Variants in C16orf92 observed in about 807,000 individuals in gnomAD.
C16orf92 encodes fertilization-influencing membrane protein.
In C16orf92, 14 loss-of-function variants were observed where a neutral mutation model predicts 13.7. The observed-to-expected ratio is 1.02, with a 90% CI of 0.67 to 1.60. The LOEUF is 1.60. Ranked by LOEUF, C16orf92 falls within the 40% of genes most tolerant of loss-of-function variation. C16orf92 has a pLI of 0.00. For missense variants in C16orf92, 116 were observed against 139.0 expected, an observed-to-expected ratio of 0.83 and a Z score of 0.83; for synonymous variants, 50 against 57.4, an observed-to-expected ratio of 0.87 and a Z score of 0.58.
In C16orf92 at chr16:30,024,668, A is replaced by C; in HGVS notation, c.*441A>C. ...CCCCCAACCCAACAGACTAGTTCAA[A>C]TTTGGGTAAATAAATAAAATAAATA... is the stretch of plus-strand genomic sequence containing the variant. On this transcript the variant is annotated 3_prime_UTR_variant, in exon 4 of 4. Transcript: ENST00000681219. 1 of 196,120 alleles carries C rather than the reference A, an allele frequency of 5.1e-6. No individual in the cohort carries two copies. Among genetic ancestry groups the C allele is most frequent in the Non-Finnish European group, 1.0e-5 (1 of 97,172 alleles). 12.1% of individuals were successfully genotyped at this position (196,120 alleles called of 1,614,324 possible).
downstream of C16orf92, chr16:30,025,247 C>T (rs367744777): frequency 2.3e-5 from 35 of 1,534,008 alleles, no homozygotes; most frequent in South Asian, 3.6e-5. This position sits in a 1 kb window ranked among gnomAD's most constrained non-coding sequence, Gnocchi z 4.1. Context: ...GCAGGCCCCA[C>T]GGCAGATGAG....
rs370643656 is a variant in C16orf92, at chr16:30,023,778, G to A, written c.116G>A (p.Arg39His). 26 of 1,614,124 alleles carry A rather than the reference G, an allele frequency of 1.6e-5. No individual in the cohort carries two copies. The highest frequency in any genetic ancestry group is 1.3e-4 in the Admixed American group (8 of 60,020). Reference protein sequence around the residue: ...TASALGTESPRFLDRPDFFDY... With the variant: ...TASALGTESPHFLDRPDFFDY... ...TCAGCCCTGGGGACAGAGTCTCCGC[G>A]CTTCTTAGACAGACCTGACTTCTTC... Residue 39 changes from arginine to histidine, a missense_variant, in exon 2 of 4, where the codon CGC becomes CAC. Arg to His is a conservative substitution (Grantham distance 29). Transcript: ENST00000681219.
downstream of C16orf92, chr16:30,026,564 G>A (rs1250050098): frequency 6.4e-7 from 1 of 1,555,844 alleles, no homozygotes; most frequent in Non-Finnish European, 8.8e-7. Context: ...CAGGACCAAG[G>A]AGCAGGCCAC....
At position 30,023,804 on chromosome 16, in the gene C16orf92, G is replaced by C. The variant is rs753662753; in HGVS notation, c.142G>C (p.Asp48His). Reference sequence around the variant, plus strand: ...CTTCTTAGACAGACCTGACTTCTTCGATTATCCGGACTCAGACCAAGCCAG... The same window carrying C: ...CTTCTTAGACAGACCTGACTTCTTCCATTATCCGGACTCAGACCAAGCCAG... ...PRFLDRPDFF[D>H]YPDSDQARLL... The change falls in exon 2 of 4, where the codon GAT becomes CAT. Residue 48 changes from aspartate (D) to histidine (H), a missense_variant. Transcript: ENST00000681219. 6.2e-7 allele frequency: 1 copy of C among 1,614,142 alleles called. No homozygotes were observed. The highest frequency in any genetic ancestry group is 1.1e-5 in the South Asian group (1 of 91,076).
downstream of C16orf92, chr16:30,026,653 G>A (rs2150976008): frequency 6.2e-7 from 1 of 1,613,876 alleles, no homozygotes; most frequent in Non-Finnish European, 8.5e-7. Context: ...GCATGGTGGA[G>A]CACCATGAGG....
At chr16:30,025,340 A>C (rs2071069617), downstream of C16orf92, 1 of 1,585,790 alleles carries the variant, frequency 6.3e-7, no homozygotes, top group South Asian at 1.1e-5. This position sits in a 1 kb window ranked among gnomAD's most constrained non-coding sequence, Gnocchi z 4.1. Context: ...CACGGCCAGC[A>C]GGGGCAGGCC....
At chr16:30,025,636 G>A (rs751785844), downstream of C16orf92, 40 of 1,491,704 alleles carry the variant, frequency 2.7e-5, no homozygotes, top group Non-Finnish European at 3.4e-5. This position sits in a 1 kb window ranked among gnomAD's most constrained non-coding sequence, Gnocchi z 4.1. Context: ...GGATGACGAA[G>A]GGGCTAGAGC....
downstream of C16orf92, chr16:30,025,623 G>A (rs2071091649): frequency 1.4e-6 from 2 of 1,467,242 alleles, no homozygotes; most frequent in African/African-American, 2.8e-5. This position sits in a 1 kb window ranked among gnomAD's most constrained non-coding sequence, Gnocchi z 4.1. Flanking sequence ...CGGGGTGAGG[G>A]GGGGATGACG....
At chr16:30,025,213 CCGGGAGCGGG>C (rs1233215136), downstream of C16orf92, 10 of 1,497,240 alleles carry the variant, frequency 6.7e-6, no homozygotes, top group Non-Finnish European at 8.0e-6. The surrounding 1 kb of genome is among the most constrained non-coding windows in gnomAD (Gnocchi z 4.1). Context: ...CCGGGGGCGG[CCGGGAGCGGG>C]GCCAGAAGAG....
downstream of C16orf92, chr16:30,026,728 C>G (rs370399407): frequency 1.2e-6 from 2 of 1,614,098 alleles, no homozygotes; most frequent in Non-Finnish European, 8.5e-7. Context: ...GCCGCTCCGT[C>G]GTCCCCTCCA....
intron 3 of C16orf92, 32 bp downstream of exon 3, chr16:30,024,118 C>T (rs1237872505): frequency 3.7e-6 from 6 of 1,608,000 alleles, no homozygotes; most frequent in African/African-American, 1.3e-5. Context: ...CAACCCCACC[C>T]ACCACCACCT....
chr16:30,025,930 A>C (rs1408617405), downstream of C16orf92: 13 of 811,808 alleles, frequency 1.6e-5, no homozygotes, highest in Non-Finnish European at 2.4e-5. The surrounding 1 kb of genome is among the most constrained non-coding windows in gnomAD (Gnocchi z 4.1). Context: ...TTGACTCTGA[A>C]CATCAGAACA....
downstream of C16orf92, chr16:30,025,087 GC>G: frequency 1.2e-6 from 1 of 833,092 alleles, no homozygotes; most frequent in Non-Finnish European, 1.8e-6. The surrounding 1 kb of genome is among the most constrained non-coding windows in gnomAD (Gnocchi z 4.1). Flanking sequence ...GGTTGTCCGG[GC>G]AAGAGGACCC....
downstream of C16orf92, chr16:30,025,941 C>G (rs1300506254): frequency 5.2e-6 from 4 of 768,038 alleles, no homozygotes; most frequent in African/African-American, 5.2e-5. This position sits in a 1 kb window ranked among gnomAD's most constrained non-coding sequence, Gnocchi z 4.1. Context: ...CATCAGAACA[C>G]CTGGGTGCAG....
chr16:30,027,211 A>G (rs1227649967), downstream of C16orf92: 2 of 462,634 alleles, frequency 4.3e-6, no homozygotes, highest in South Asian at 1.5e-5. Flanking sequence ...TAACCTTACC[A>G]TGAGGTTAGG....
In C16orf92 at chr16:30,024,040, CTGG is replaced by C. The variant is rs746957718; in HGVS notation, c.272_274del (p.Val91del). Reference sequence around the variant, plus strand: ...CTTCCATCACATCCTGGTGGGCTTGCTGGTGGTGGCGTTCTTCTTTCTCCTTTT... The same window carrying C: ...CTTCCATCACATCCTGGTGGGCTTGCTGGTGGCGTTCTTCTTTCTCCTTTT... On this transcript the variant is annotated inframe_deletion, in exon 3 of 4. Transcript: ENST00000681219. 1 of 1,614,086 alleles carries C rather than the reference CTGG, an allele frequency of 6.2e-7. No individual in the cohort carries two copies. Among genetic ancestry groups the C allele is most frequent in the East Asian group, 2.2e-5 (1 of 44,886 alleles).
rs1299888345 is a variant in C16orf92 at position 30,024,299 on chromosome 16, T to C, written c.*72T>C. 5 of 1,539,586 alleles carry C rather than the reference T, an allele frequency of 3.2e-6. No homozygotes were observed. The African/African-American group carries it at 5.5e-5, about 17-fold the overall frequency. ...CTCCTCTCCTGTTGATGAGCAAAAGTTCCCTGCTTTCCTCCTCCCTGACTG... is the reference window on the plus strand; with the variant it reads ...CTCCTCTCCTGTTGATGAGCAAAAGCTCCCTGCTTTCCTCCTCCCTGACTG... On this transcript the variant is annotated 3_prime_UTR_variant, in exon 4 of 4. Coordinates refer to ENST00000681219, the MANE Select transcript of C16orf92 (RefSeq NM_001109659.2).
Position 30,023,383 on chromosome 16 carries a change from G to A in C16orf92, c.43G>A (p.Ala15Thr), listed in dbSNP as rs375627820. 3.1e-6 allele frequency: 5 copies of A among 1,611,052 alleles called. No homozygotes were observed. Among genetic ancestry groups the A allele is most frequent in the Non-Finnish European group, 4.2e-6 (5 of 1,179,020 alleles). The change falls in exon 1 of 4, where the codon GCA becomes ACA. Residue 15 changes from alanine to threonine, a missense_variant. Physicochemically the swap from Ala to Thr is moderately conservative, Grantham distance 58. Coordinates refer to ENST00000681219, the MANE Select transcript of C16orf92 (RefSeq NM_001109659.2). ...PWVLVWVWLA[A>T]LGAIETAPRP... is the part of the protein sequence containing the mutation. Reference sequence around the variant, plus strand: ...GGTGCTGGTGTGGGTGTGGCTGGCTGCACTAGGGGCCATAGAAACTGGTAA... The same window carrying A: ...GGTGCTGGTGTGGGTGTGGCTGGCTACACTAGGGGCCATAGAAACTGGTAA...
chr16:30,026,997 C>G, downstream of C16orf92: 1 of 709,958 alleles, frequency 1.4e-6, no homozygotes, highest in Non-Finnish European at 2.5e-6. Context: ...GAAACTTGCC[C>G]AAGGTCACAC....
Sources: gnomAD v4.1 joint callset for allele counts on GRCh38, gnomAD v4.1.1 for gene constraint, Gnocchi (gnomAD v3.1) non-coding constraint, MANE v1.5 for transcripts, NCBI Gene and HGNC (gene_info 2026-07-23, HGNC 2026-07-21) for gene names.